EFCAB6: variants seen among roughly 807,000 people sequenced by gnomAD.
EFCAB6 encodes EF-hand calcium-binding domain-containing protein 6.
A neutral mutation model predicts 169.8 loss-of-function variants in EFCAB6; 156 were observed. That is an observed-to-expected ratio of 0.92 (90% CI 0.81 to 1.05). The LOEUF is 1.05. EFCAB6 is among the 50% of genes least tolerant of loss of function. EFCAB6 has a pLI of 0.00. For missense variants in EFCAB6, 1,800 were observed against 1,829.1 expected (o/e 0.98, Z 0.29); for synonymous variants, 698 against 676.4 (o/e 1.03, Z -0.50).
Position 43,628,133 on chromosome 22 carries a change from T to C in EFCAB6, c.2233-1454A>G, listed in dbSNP as rs1043953901. ...TCCAGTGGTCTGGGGGCATTTTCTCTGGGATGTCAAACTGAACATGGCCCA... is the reference window on the plus strand; with the variant it reads ...TCCAGTGGTCTGGGGGCATTTTCTCCGGGATGTCAAACTGAACATGGCCCA... On this transcript the variant is annotated intron_variant, in intron 19 of 31. Coordinates refer to ENST00000262726, the MANE Select transcript of EFCAB6 (RefSeq NM_022785.4). The surrounding 1 kb of genome is among the most constrained non-coding windows in gnomAD (Gnocchi z 4.8). Among the ~76,000 whole-genome samples the C allele has an allele frequency of 3.2e-4, 48 of 152,048 alleles. No homozygotes were observed. The highest frequency in any genetic ancestry group is 4.4e-5 in the Non-Finnish European group (3 of 67,996).
At chr22:43,708,089 T>TAAAAAAAAAAAAAAAAAAAA (rs137824) in intron 10 of EFCAB6, among the ~76,000 whole-genome samples, 1 of 115,556 alleles carries the variant, frequency 8.7e-6, no homozygotes, top group Non-Finnish European at 1.8e-5. Flanking sequence ...TAAAGAAAAC[T>TAAAAAAAAAAAAAAAAAAAA]AAAAAAAAAA....
intron 2 of EFCAB6, among the ~76,000 whole-genome samples, chr22:43,784,604 T>TATATATGTGTATATATACACAC (rs2061980172): frequency 1.4e-5 from 1 of 73,488 alleles, no homozygotes; most frequent in Non-Finnish European, 2.8e-5. Context: ...TATATACACA[T>TATATATGTGTATATATACACAC]ATATATGTGT....
chr22:43,647,085 CT>C (rs1156644483), intron 17 of EFCAB6, among the ~76,000 whole-genome samples: 4 of 148,908 alleles, frequency 2.7e-5, no homozygotes, highest in South Asian at 2.1e-4. Context: ...TATACGGGAA[CT>C]TTGTAGTTTC....
intron 22 of EFCAB6, among the ~76,000 whole-genome samples, chr22:43,603,302 T>C (rs2052663147): frequency 6.6e-6 from 1 of 152,248 alleles, no homozygotes; most frequent in Non-Finnish European, 1.5e-5. Context: ...CTAATTCAGC[T>C]TACATAACCT....
At position 43,731,727 on chromosome 22, in the gene EFCAB6, C is replaced by A. The variant is rs2059957161; in HGVS notation, c.729G>T (p.Leu243Phe). 3.8e-6 allele frequency: 6 copies of A among 1,598,292 alleles called. No homozygotes were observed. The highest frequency in any genetic ancestry group is 5.1e-6 in the Non-Finnish European group (6 of 1,174,052). Residue 243 changes from leucine to phenylalanine, a missense_variant, in exon 8 of 32, where the codon TTG becomes TTT. By Grantham distance (22) the Leu-to-Phe change is conservative. Coordinates refer to ENST00000262726, the MANE Select transcript of EFCAB6 (RefSeq NM_022785.4). ...FLKNLSINND[L>F]NLRYCMGNQE... The stretch of plus-strand genomic sequence containing the variant: ...GATTTCCCATACAATATCTAAGGTT[C>A]AAGTCGTTATTTATGCTGAGATTCT...
rs780641912 is a variant in EFCAB6, at chr22:43,540,203, G to T, written c.3803C>A (p.Ser1268Ter). 2 of 1,614,110 alleles carry T rather than the reference G, an allele frequency of 1.2e-6. No homozygotes were observed. The highest frequency in any genetic ancestry group is 3.3e-5 in the Admixed American group (2 of 60,012). The change falls in exon 28 of 32, where the codon TCG becomes TAG. Residue 1268 changes from serine (S) to a stop codon, truncating the protein, a stop_gained. Coordinates refer to ENST00000262726, the MANE Select transcript of EFCAB6 (RefSeq NM_022785.4). LOFTEE classifies it high-confidence loss of function. Reference sequence around the variant, plus strand: ...TGAGAGGGCAGATCTGGTGCCTTCCGAGACGTCAGGGACACTGCTCCCTCT... The same window carrying T: ...TGAGAGGGCAGATCTGGTGCCTTCCTAGACGTCAGGGACACTGCTCCCTCT... ...AQRGSSVPDV[S>*]EGTRSALSLP...
At chr22:43,676,647 G>A (rs560377061) in intron 13 of EFCAB6, among the ~76,000 whole-genome samples, 14 of 152,212 alleles carry the variant, frequency 9.2e-5, no homozygotes, top group East Asian at 5.8e-4. Flanking sequence ...AATAAGTTAT[G>A]TACTATGGCC....
chr22:43,715,915 T>G (rs958735501), intron 9 of EFCAB6, among the ~76,000 whole-genome samples: 1 of 152,240 alleles, frequency 6.6e-6, no homozygotes, highest in African/African-American at 2.4e-5. Context: ...ATTGAACATT[T>G]TATATTAATA....
At chr22:43,674,080 T>C (rs1324930433) in intron 13 of EFCAB6, among the ~76,000 whole-genome samples, 1 of 152,174 alleles carries the variant, frequency 6.6e-6, no homozygotes, top group Non-Finnish European at 1.5e-5. Flanking sequence ...TGTACAGTTT[T>C]TGAATATCAA....
chr22:43,678,269 A>C, intron 12 of EFCAB6, 106 bp from the exon 13 acceptor site: 2 of 1,137,976 alleles, frequency 1.8e-6, no homozygotes, highest in Non-Finnish European at 2.4e-6. Flanking sequence ...GCTTTGGCCA[A>C]ATAGAATTAT....
intron 26 of EFCAB6, among the ~76,000 whole-genome samples, chr22:43,563,760 T>C (rs5764041): frequency 0.24 from 37,120 of 152,130 alleles, 5,613 homozygotes; most frequent in East Asian, 0.62. Flanking sequence ...CTATCATGAA[T>C]GATCCGAGGA....
At chr22:43,748,940 T>A (rs903394065) in intron 6 of EFCAB6, among the ~76,000 whole-genome samples, 1 of 152,170 alleles carries the variant, frequency 6.6e-6, no homozygotes, top group Non-Finnish European at 1.5e-5. Context: ...TTTGAACGGA[T>A]AACTCTGGCT....
chr22:43,696,946 T>A (rs1229506740), intron 10 of EFCAB6, among the ~76,000 whole-genome samples: 1 of 152,202 alleles, frequency 6.6e-6, no homozygotes, highest in Non-Finnish European at 1.5e-5. Context: ...TATACCTCTA[T>A]AAAGCTAGGA....
chr22:43,554,751 CA>C (rs372558040), intron 27 of EFCAB6, 117 bp downstream of exon 27: 131 of 876,820 alleles, frequency 1.5e-4, no homozygotes, highest in African/African-American at 1.5e-3. Context: ...AACAAAATAA[CA>C]AAACTGCAAG....
intron 6 of EFCAB6, among the ~76,000 whole-genome samples, chr22:43,748,173 C>A (rs923871073): frequency 6.6e-6 from 1 of 152,176 alleles, no homozygotes; most frequent in Non-Finnish European, 1.5e-5. Context: ...GCTTTCCCAG[C>A]AAATGCACCC....
chr22:43,780,561 T>C (rs1316999095), intron 3 of EFCAB6, among the ~76,000 whole-genome samples: 10 of 151,998 alleles, frequency 6.6e-5, no homozygotes, highest in Admixed American at 6.6e-4. Flanking sequence ...TAGTCTTCTT[T>C]GTACGATCAG....
chr22:43,654,711 C>T (rs922546508), intron 17 of EFCAB6, among the ~76,000 whole-genome samples: 2 of 152,160 alleles, frequency 1.3e-5, no homozygotes, highest in African/African-American at 4.8e-5. Flanking sequence ...ATGTGATACC[C>T]TAGATACGAT....
Position 43,711,577 on chromosome 22 carries a change from TC to T in EFCAB6, c.928del (p.Asp310ThrfsTer13). The T allele has an allele frequency of 6.3e-7, 1 of 1,596,358 alleles. No individual in the cohort carries two copies. Among genetic ancestry groups the T allele is most frequent in the South Asian group, 1.2e-5 (1 of 86,652 alleles). Reference protein sequence around the residue: ...EKVEKALSAGDPCKGGYVSFN... With the variant: ...EKVEKALSAGXPCKGGYVSFN... ...AGACACGTAGCCACCTTTACAGGGGTCCCCTGCACTGAGGGCCTTTTCAACC... is the reference window on the plus strand; with the variant it reads ...AGACACGTAGCCACCTTTACAGGGGTCCCTGCACTGAGGGCCTTTTCAACC... On this transcript the variant is annotated frameshift_variant, in exon 10 of 32. Transcript: ENST00000262726. LOFTEE classifies it high-confidence loss of function.
chr22:43,638,154 G>A (rs1255280848), intron 17 of EFCAB6, among the ~76,000 whole-genome samples: 2 of 152,152 alleles, frequency 1.3e-5, no homozygotes, highest in African/African-American at 4.8e-5. Flanking sequence ...AGATGCAAAG[G>A]CCTCTGATGC....
Sources: gnomAD v4.1 joint callset for allele counts (sites outside exome capture counted in the v4.1 genomes callset) on GRCh38, gnomAD v4.1.1 for gene constraint, Gnocchi (gnomAD v3.1) non-coding constraint, MANE v1.5 for transcripts, NCBI Gene and HGNC (gene_info 2026-07-23, HGNC 2026-07-21) for gene names.